The following YAF2 variants were observed in gnomAD, a reference collection of about 807,000 sequenced individuals.
The protein encoded by YAF2 is YY1-associated factor 2.
YAF2 carries 7 observed loss-of-function variants against 20.1 expected under a neutral mutation model. That is an observed-to-expected ratio of 0.35 (90% CI 0.20 to 0.65). The LOEUF (loss-of-function observed/expected upper bound fraction) is 0.65. YAF2 is among the 30% of genes least tolerant of loss of function. YAF2 has a pLI of 0.69. For missense variants in YAF2, 151 were observed against 219.2 expected, an observed-to-expected ratio of 0.69 and a Z score of 1.96; for synonymous variants, 74 against 76.0, an observed-to-expected ratio of 0.97 and a Z score of 0.14.
intron 2 of YAF2, among the ~76,000 whole-genome samples, chr12:42,189,343 C>G (rs1229578673): frequency 6.6e-6 from 1 of 152,140 alleles, no homozygotes; most frequent in Non-Finnish European, 1.5e-5. Flanking sequence ...AAAGAACAGG[C>G]AGTTATCTAT....
intron 2 of YAF2, among the ~76,000 whole-genome samples, chr12:42,218,234 T>C (rs964795480): frequency 8.3e-6 from 1 of 119,866 alleles, no homozygotes; most frequent in African/African-American, 2.8e-5. Flanking sequence ...ACACAGATGA[T>C]TATCGATCTC....
At chr12:42,203,072 A>G (rs1400908776) in intron 2 of YAF2, among the ~76,000 whole-genome samples, 2 of 152,280 alleles carry the variant, frequency 1.3e-5, no homozygotes, top group South Asian at 4.1e-4. Flanking sequence ...TCCACAAAAA[A>G]AAAAAAAAAT....
intron 2 of YAF2, among the ~76,000 whole-genome samples, chr12:42,182,611 T>A (rs1420923138): frequency 6.6e-6 from 1 of 152,266 alleles, no homozygotes; most frequent in African/African-American, 2.4e-5. Context: ...CTAATCTTCA[T>A]GTTGCTTTAA....
chr12:42,202,586 T>C (rs2066929063), intron 2 of YAF2, among the ~76,000 whole-genome samples: 1 of 152,220 alleles, frequency 6.6e-6, no homozygotes, highest in African/African-American at 2.4e-5. Context: ...ATGTTATGCA[T>C]AACAGTTTGT....
intron 2 of YAF2, among the ~76,000 whole-genome samples, chr12:42,173,905 A>G (rs73127445): frequency 0.036 from 5,514 of 152,086 alleles, 147 homozygotes; most frequent in Admixed American, 0.061. Context: ...ACAGCCTTCC[A>G]TCTGTACCGA....
At chr12:42,170,317 G>A (rs1565601036) in intron 2 of YAF2, among the ~76,000 whole-genome samples, 1 of 152,312 alleles carries the variant, frequency 6.6e-6, no homozygotes. Flanking sequence ...AATGATTGCT[G>A]AATGAATTAA....
chr12:42,186,285 C>T (rs1273899326), intron 2 of YAF2, among the ~76,000 whole-genome samples: 2 of 149,846 alleles, frequency 1.3e-5, no homozygotes, highest in Admixed American at 1.3e-4. Flanking sequence ...ACCTGGGAGG[C>T]GGAGGTTACA....
At chr12:42,205,193 T>G (rs1012603096) in intron 2 of YAF2, among the ~76,000 whole-genome samples, 1 of 151,972 alleles carries the variant, frequency 6.6e-6, no homozygotes, top group African/African-American at 2.4e-5. Flanking sequence ...TTTTTAAAAT[T>G]TATATACATA....
At chr12:42,211,380 T>C (rs969035187) in intron 2 of YAF2, among the ~76,000 whole-genome samples, 1 of 135,408 alleles carries the variant, frequency 7.4e-6, no homozygotes, top group Non-Finnish European at 1.5e-5. Flanking sequence ...TGAGCGGAGA[T>C]CGTGCCACTG....
intron 2 of YAF2, among the ~76,000 whole-genome samples, chr12:42,227,436 G>A (rs2067756108): frequency 8.2e-6 from 1 of 122,362 alleles, no homozygotes; most frequent in African/African-American, 3.5e-5. Flanking sequence ...GAAGTGAGGA[G>A]CGTCTCTGCC....
At position 42,192,475 on chromosome 12, in the gene YAF2, C is replaced by G. The variant is rs193182095; in HGVS notation, c.153-30710G>C. Among the ~76,000 whole-genome samples, 50 of 152,308 alleles carry G rather than the reference C, an allele frequency of 3.3e-4. 1 individual carries two copies. The East Asian group carries it at 9.6e-3, about 29-fold the overall frequency. ...AGTGAGCTGTGATCGTGCCACTGCA[C>G]TCTAGCCTGGGCAACACAGTGAGAC... is the stretch of plus-strand genomic sequence containing the variant. On this transcript the variant is annotated intron_variant, in intron 2 of 3. Transcript: ENST00000534854.
In YAF2 at chr12:42,201,562, G is replaced by A. The variant is rs545615353; in HGVS notation, c.152+36037C>T. On this transcript the variant is annotated intron_variant, in intron 2 of 3. Transcript: ENST00000534854. Reference sequence around the variant, plus strand: ...TCCTAGGTATGTCGCATATCTTTTAGTTTGGTTTATAATGTCTTTTTTGTT... The same window carrying A: ...TCCTAGGTATGTCGCATATCTTTTAATTTGGTTTATAATGTCTTTTTTGTT... Among the ~76,000 whole-genome samples the A allele has an allele frequency of 3.3e-5, 5 of 152,230 alleles. 1 individual carries two copies. The highest frequency in any genetic ancestry group is 2.1e-4 in the South Asian group (1 of 4,820).
intron 2 of YAF2, among the ~76,000 whole-genome samples, chr12:42,183,834 T>A: frequency 6.6e-6 from 1 of 152,250 alleles, no homozygotes; most frequent in East Asian, 1.9e-4. Flanking sequence ...CTTTCAGAGC[T>A]AGAGACGAAA....
chr12:42,193,539 T>C (rs543715342), intron 2 of YAF2, among the ~76,000 whole-genome samples: 12 of 152,268 alleles, frequency 7.9e-5, no homozygotes, highest in Admixed American at 1.3e-4. Flanking sequence ...GATCTCACTC[T>C]GTCACTCAGG....
At chr12:42,165,742 A>G (rs1361613966) in intron 2 of YAF2, among the ~76,000 whole-genome samples, 2 of 137,058 alleles carry the variant, frequency 1.5e-5, no homozygotes, top group Non-Finnish European at 1.5e-5. Context: ...AAGTGCTGGG[A>G]TTACAGATGT....
At chr12:42,178,423 A>G (rs997056995) in intron 2 of YAF2, among the ~76,000 whole-genome samples, 1 of 152,206 alleles carries the variant, frequency 6.6e-6, no homozygotes, top group Non-Finnish European at 1.5e-5. Flanking sequence ...CAGGTGAAGC[A>G]AATTATTACA....
At chr12:42,220,579 A>C (rs1038596085) in intron 2 of YAF2, among the ~76,000 whole-genome samples, 1 of 152,208 alleles carries the variant, frequency 6.6e-6, no homozygotes, top group African/African-American at 2.4e-5. Context: ...AGAGGAAAGA[A>C]GACCAAAATC....
intron 2 of YAF2, among the ~76,000 whole-genome samples, chr12:42,228,409 C>T (rs2067841948): frequency 1.5e-5 from 1 of 66,934 alleles, no homozygotes; most frequent in Non-Finnish European, 2.8e-5. Flanking sequence ...GCCAGCCGCC[C>T]CGTCCGGGAG....
intron 2 of YAF2, among the ~76,000 whole-genome samples, chr12:42,228,788 T>A (rs71453346): frequency 2.3e-4 from 4 of 17,702 alleles, no homozygotes; most frequent in African/African-American, 1.2e-3. Flanking sequence ...GGAGGGAGGT[T>A]GGGGGGTCAG....
Sources: allele counts gnomAD v4.1 joint callset (sites outside exome capture counted in the v4.1 genomes callset), GRCh38; gene constraint gnomAD v4.1.1; transcripts MANE v1.5; gene names NCBI Gene and HGNC (gene_info 2026-07-23, HGNC 2026-07-21).